SH3GL2: variants seen among roughly 807,000 people sequenced by gnomAD.
The protein encoded by SH3GL2 is endophilin-A1.
In SH3GL2, 24 loss-of-function variants were observed where a neutral mutation model predicts 46.0. The observed-to-expected ratio is 0.52, with a 90% CI of 0.38 to 0.73. The LOEUF is 0.73. Among genes scored for constraint, SH3GL2 ranks in the 30% least tolerant of loss-of-function variants. The pLI, the probability that SH3GL2 is intolerant of heterozygous loss-of-function variation, is 0.00. For missense variants in SH3GL2, 413 were observed against 424.2 expected, an observed-to-expected ratio of 0.97 and a Z score of 0.23; for synonymous variants, 196 against 147.1, an observed-to-expected ratio of 1.33 and a Z score of -2.40.
rs57019804 is a variant in SH3GL2, at chr9:17,758,561, CAAAAAAAAAAAAAAAAAAA to C, written c.115-2860_115-2842del. Among the ~76,000 whole-genome samples, 163 of 29,242 alleles carry C rather than the reference CAAAAAAAAAAAAAAAAAAA, an allele frequency of 5.6e-3. 2 individuals carry two copies. The highest frequency in any genetic ancestry group is 0.015 in the Admixed American group (18 of 1,212). The allele number at this position is 29,242 out of a possible 152,430, so 19.2% of individuals were successfully genotyped here. The stretch of plus-strand genomic sequence containing the variant: ...TGGGGGAGAGAGTAAGACCCTGTCT[CAAAAAAAAAAAAAAAAAAA>C]AAAAAAAAAAAAAAATTGCAGTCAG... On this transcript the variant is annotated intron_variant, in intron 2 of 8. Coordinates refer to ENST00000380607, the MANE Select transcript of SH3GL2 (RefSeq NM_003026.5).
chr9:17,658,521 G>A lies in SH3GL2; in HGVS notation c.45+79234G>A, dbSNP rs115994858. 4.3e-3 allele frequency among the ~76,000 whole-genome samples: 660 copies of A among 152,286 alleles called. 3 individuals are homozygous for A. The highest frequency in any genetic ancestry group is 0.015 in the African/African-American group (632 of 41,556). The stretch of plus-strand genomic sequence containing the variant: ...TAGTAACAAATAATATTGCTTAATA[G>A]TAAATGTGTACTGTATGTGCCAGCC... On this transcript the variant is annotated intron_variant, in intron 1 of 8. Coordinates refer to ENST00000380607, the MANE Select transcript of SH3GL2 (RefSeq NM_003026.5).
chr9:17,629,637 T>A (rs1429014070), intron 1 of SH3GL2, among the ~76,000 whole-genome samples: 1 of 152,196 alleles, frequency 6.6e-6, no homozygotes, highest in Admixed American at 6.5e-5. Context: ...GATACTGATT[T>A]TTGGTTATTT....
intron 1 of SH3GL2, among the ~76,000 whole-genome samples, chr9:17,639,021 A>G (rs994801985): frequency 2.0e-5 from 3 of 152,208 alleles, no homozygotes; most frequent in Non-Finnish European, 4.4e-5. Context: ...GATTTTTGGC[A>G]GGAGAGGCTA....
intron 1 of SH3GL2, among the ~76,000 whole-genome samples, chr9:17,684,352 A>G (rs970640770): frequency 1.4e-4 from 22 of 152,228 alleles, no homozygotes; most frequent in African/African-American, 5.3e-4. Flanking sequence ...AGAAATAATC[A>G]GTATATTTGA....
chr9:17,716,747 G>C (rs938388952), intron 1 of SH3GL2, among the ~76,000 whole-genome samples: 1 of 152,102 alleles, frequency 6.6e-6, no homozygotes, highest in South Asian at 2.1e-4. Flanking sequence ...GGTGGTCTCA[G>C]ATTCTGATCT....
At chr9:17,737,201 A>AG (rs1491206402) in intron 1 of SH3GL2, among the ~76,000 whole-genome samples, 2 of 151,594 alleles carry the variant, frequency 1.3e-5, no homozygotes, top group Non-Finnish European at 2.9e-5. Flanking sequence ...GGCGCCTGTC[A>AG]GGGGGTGGGG....
rs1822084894 is a variant in SH3GL2, at chr9:17,728,559, G to A, written c.46-18507G>A. Among the ~76,000 whole-genome samples the A allele has an allele frequency of 2.0e-5, 3 of 152,072 alleles. No individual in the cohort carries two copies. In the South Asian group the frequency reaches 6.2e-4, roughly 32 times the overall value. On this transcript the variant is annotated intron_variant, in intron 1 of 8. Transcript: ENST00000380607. Reference sequence around the variant, plus strand: ...TGTTACATAGGTATACATGTGCCATGGTGGTCTGCTGCACCCATCAGCCTG... The same window carrying A: ...TGTTACATAGGTATACATGTGCCATAGTGGTCTGCTGCACCCATCAGCCTG...
chr9:17,735,606 G>T (rs1436073379), intron 1 of SH3GL2: 1 of 161,064 alleles, frequency 6.2e-6, no homozygotes, highest in African/African-American at 2.4e-5. Flanking sequence ...GTATATGTGG[G>T]TTCTACAGGG....
chr9:17,638,317 A>C (rs1196615552), intron 1 of SH3GL2, among the ~76,000 whole-genome samples: 1 of 152,152 alleles, frequency 6.6e-6, no homozygotes, highest in Admixed American at 6.6e-5. Context: ...TATTATCCAG[A>C]TATTTATTGG....
At chr9:17,620,062 A>G (rs951890920) in intron 1 of SH3GL2, among the ~76,000 whole-genome samples, 15 of 152,150 alleles carry the variant, frequency 9.9e-5, no homozygotes, top group Non-Finnish European at 2.9e-5. Context: ...TAGTTGGAAT[A>G]ACTGATTTTA....
intron 1 of SH3GL2, among the ~76,000 whole-genome samples, chr9:17,655,737 C>T (rs1820058848): frequency 6.6e-6 from 1 of 152,170 alleles, no homozygotes; most frequent in Non-Finnish European, 1.5e-5. Flanking sequence ...CCTTCTAGCC[C>T]CGTGCATCGT....
At chr9:17,767,151 C>G (rs923458938) in intron 3 of SH3GL2, among the ~76,000 whole-genome samples, 3 of 152,186 alleles carry the variant, frequency 2.0e-5, no homozygotes, top group African/African-American at 7.2e-5. Flanking sequence ...ATGTTGTACA[C>G]AGTAGGGGTT....
At chr9:17,619,273 T>A (rs745464089) in intron 1 of SH3GL2, among the ~76,000 whole-genome samples, 1 of 152,208 alleles carries the variant, frequency 6.6e-6, no homozygotes, top group African/African-American at 2.4e-5. Context: ...TGGATGTATT[T>A]CCTTATAGCC....
At chr9:17,683,064 GA>G (rs938757751) in intron 1 of SH3GL2, among the ~76,000 whole-genome samples, 13 of 152,204 alleles carry the variant, frequency 8.5e-5, no homozygotes, top group African/African-American at 3.1e-4. Context: ...GAAATCTAAG[GA>G]AAAGGTATGA....
chr9:17,667,374 C>T (rs1034779074), intron 1 of SH3GL2, among the ~76,000 whole-genome samples: 24 of 152,260 alleles, frequency 1.6e-4, no homozygotes, highest in African/African-American at 5.8e-4. Flanking sequence ...ACCCACTCTC[C>T]TCAACCCACA....
chr9:17,745,381 A>C (rs2118522190), intron 1 of SH3GL2, among the ~76,000 whole-genome samples: 1 of 152,340 alleles, frequency 6.6e-6, no homozygotes, highest in East Asian at 1.9e-4. Flanking sequence ...GATAGGAACT[A>C]GGATTTATTG....
intron 8 of SH3GL2, 53 bp downstream of exon 8, chr9:17,793,550 C>T (rs1824194408): frequency 6.4e-7 from 1 of 1,569,978 alleles, no homozygotes; most frequent in Non-Finnish European, 8.6e-7. Flanking sequence ...TATCCATTGG[C>T]ACTCTTCCAG....
chr9:17,754,764 G>T (rs1395239279), intron 2 of SH3GL2, among the ~76,000 whole-genome samples: 1 of 152,164 alleles, frequency 6.6e-6, no homozygotes, highest in Non-Finnish European at 1.5e-5. Context: ...GAAGGAGATT[G>T]TTCCTGAGTT....
intron 5 of SH3GL2, among the ~76,000 whole-genome samples, chr9:17,788,484 T>A (rs1321175755): frequency 6.6e-6 from 1 of 152,200 alleles, no homozygotes; most frequent in Non-Finnish European, 1.5e-5. Context: ...CCTTTCATTC[T>A]GCTCCATACA....
Sources: allele counts gnomAD v4.1 joint callset (sites outside exome capture counted in the v4.1 genomes callset), GRCh38; gene constraint gnomAD v4.1.1; transcripts MANE v1.5; gene names NCBI Gene and HGNC (gene_info 2026-07-23, HGNC 2026-07-21).